SLC6A3: variants seen among roughly 807,000 people sequenced by gnomAD.
SLC6A3 encodes solute carrier family 6 member 3.
In SLC6A3, 19 loss-of-function variants were observed where a neutral mutation model predicts 70.4. The observed-to-expected ratio is 0.27, with a 90% CI of 0.19 to 0.40. SLC6A3 has a LOEUF of 0.40. Ranked by LOEUF, SLC6A3 falls within the 10% of genes least tolerant of loss-of-function variation. The probability of loss-of-function intolerance (pLI) is 1.00; values close to 1 mark genes in which losing one functional copy is unlikely to be tolerated. For missense variants in SLC6A3, 613 were observed against 838.5 expected (o/e 0.73, Z 3.32); for synonymous variants, 368 against 356.6 (o/e 1.03, Z -0.36).
intron 4 of SLC6A3, among the ~76,000 whole-genome samples, chr5:1,425,791 T>C (rs1756562194): frequency 6.6e-6 from 1 of 152,138 alleles, no homozygotes; most frequent in Admixed American, 6.5e-5. Context: ...ATCTAAAATA[T>C]GTAAAGAACT....
In SLC6A3 at chr5:1,397,718, G is replaced by T. The variant is rs1304198458; in HGVS notation, c.1840-2960C>A. ...TTCCCACACACCAATAGTGAGGGAG[G>T]TTAGCAAGAGACCTCCTCAAAGGAA... On this transcript the variant is annotated intron_variant, in intron 14 of 14. Transcript: ENST00000270349. This position sits in a 1 kb window ranked among gnomAD's most constrained non-coding sequence, Gnocchi z 4.7. Among the ~76,000 whole-genome samples the T allele has an allele frequency of 6.6e-6, 1 of 152,220 alleles. No homozygotes were observed. The highest frequency in any genetic ancestry group is 2.4e-5 in the African/African-American group (1 of 41,448).
intron 8 of SLC6A3, among the ~76,000 whole-genome samples, chr5:1,414,484 T>TGGGTGGGGGGCCCCG (rs1560913014): frequency 4.7e-5 from 1 of 21,454 alleles, no homozygotes; most frequent in Non-Finnish European, 9.1e-5. Context: ...GTGGGGGGCC[T>TGGGTGGGGGGCCCCG]GGAGGGTCAG....
In SLC6A3 at chr5:1,411,535, C is replaced by T. The variant is rs569832573; in HGVS notation, c.1157-180G>A. Among the ~76,000 whole-genome samples the T allele has an allele frequency of 6.6e-5, 10 of 152,312 alleles. No individual in the cohort carries two copies. Among genetic ancestry groups the T allele is most frequent in the African/African-American group, 1.2e-4 (5 of 41,564 alleles). On this transcript the variant is annotated intron_variant, in intron 8 of 14. Coordinates refer to ENST00000270349, the MANE Select transcript of SLC6A3 (RefSeq NM_001044.5). This position sits in a 1 kb window ranked among gnomAD's most constrained non-coding sequence, Gnocchi z 6.5. ...AGACCAGGCCTGGGACTCAGGAAAG[C>T]GGAAACCCAGAACTGATCAGAGGGC...
At position 1,406,351 on chromosome 5, in the gene SLC6A3, G is replaced by A. The variant is rs1354161897; in HGVS notation, c.1499-63C>T. 9.5e-6 allele frequency: 13 copies of A among 1,367,808 alleles called. No homozygotes were observed. The highest frequency in any genetic ancestry group is 3.5e-5 in the South Asian group (3 of 86,234). 84.7% of individuals were successfully genotyped at this position (1,367,808 alleles called of 1,614,324 possible). ...AGCGCATTCCCCCGATGCTGGACAC[G>A]TGTGGGGGTCCTCGCTGACTCCCAA... On this transcript the variant is annotated intron_variant, in intron 11 of 14. Coordinates refer to ENST00000270349, the MANE Select transcript of SLC6A3 (RefSeq NM_001044.5). This position sits in a 1 kb window ranked among gnomAD's most constrained non-coding sequence, Gnocchi z 8.8.
In SLC6A3 at chr5:1,442,695, C is replaced by T. The variant is rs937119268; in HGVS notation, c.286+217G>A. Among the ~76,000 whole-genome samples, 3 of 152,052 alleles carry T rather than the reference C, an allele frequency of 2.0e-5. No individual in the cohort carries two copies. The highest frequency in any genetic ancestry group is 4.8e-5 in the African/African-American group (2 of 41,400). ...TCTTCGCGGGCCTCCCTTTCCTAAA[C>T]TCTGAAATGCAGGCGTGGGACAAGG... On this transcript the variant is annotated intron_variant, in intron 2 of 14. Coordinates refer to ENST00000270349, the MANE Select transcript of SLC6A3 (RefSeq NM_001044.5). This position sits in a 1 kb window ranked among gnomAD's most constrained non-coding sequence, Gnocchi z 5.0.
intron 9 of SLC6A3, among the ~76,000 whole-genome samples, chr5:1,410,909 T>C (rs1268647552): frequency 6.6e-6 from 1 of 151,926 alleles, no homozygotes; most frequent in African/African-American, 2.4e-5. Context: ...CATGGTGGTG[T>C]GAATGTGTGT....
At chr5:1,416,549 A>ATG in intron 6 of SLC6A3, 1 of 409,262 alleles carries the variant, frequency 2.4e-6, no homozygotes, top group South Asian at 2.4e-5. Context: ...ACAGCATCCT[A>ATG]ATAACCCTCG....
intron 4 of SLC6A3, among the ~76,000 whole-genome samples, chr5:1,431,877 A>C (rs461677): frequency 0.31 from 47,300 of 152,060 alleles, 8,291 homozygotes; most frequent in East Asian, 0.52. Context: ...CCAGAGACAG[A>C]AATAAAGCCA....
Position 1,436,860 on chromosome 5 carries a change from G to A in SLC6A3, c.419-4162C>T, listed in dbSNP as rs748446177. Among the ~76,000 whole-genome samples the A allele has an allele frequency of 1.3e-5, 2 of 152,208 alleles. No homozygotes were observed. The highest frequency in any genetic ancestry group is 4.8e-5 in the African/African-American group (2 of 41,462). ...ACCCACGAGAGCTGGCTTCAGGAGA[G>A]GGTGTTGTCAACGCATGCACGGATC... On this transcript the variant is annotated intron_variant, in intron 3 of 14. Transcript: ENST00000270349. This position sits in a 1 kb window ranked among gnomAD's most constrained non-coding sequence, Gnocchi z 5.2.
chr5:1,432,779 C>T, intron 3 of SLC6A3, 81 bp from the exon 4 acceptor site: 1 of 938,086 alleles, frequency 1.1e-6, no homozygotes, highest in East Asian at 2.6e-5. Flanking sequence ...TCCACCTCCC[C>T]TCACGGGAGA....
chr5:1,416,483 G>A (rs1391899993), intron 6 of SLC6A3: 2 of 545,978 alleles, frequency 3.7e-6, no homozygotes, highest in Admixed American at 3.1e-5. Flanking sequence ...AGAACCAGAG[G>A]TGCCCTGCTC....
intron 4 of SLC6A3, among the ~76,000 whole-genome samples, chr5:1,425,028 C>G (rs1159263435): frequency 2.6e-5 from 4 of 152,226 alleles, no homozygotes; most frequent in African/African-American, 9.6e-5. Context: ...GGCATAAGTG[C>G]AGGCCTACGT....
intron 4 of SLC6A3, among the ~76,000 whole-genome samples, chr5:1,424,971 C>T (rs549183404): frequency 1.3e-5 from 2 of 152,360 alleles, no homozygotes; most frequent in African/African-American, 4.8e-5. Flanking sequence ...CATGTCCATG[C>T]TTCTGAGGGC....
Position 1,394,291 on chromosome 5 carries a change from T to C in SLC6A3, c.*444A>G, listed in dbSNP as rs1260588124. The C allele has an allele frequency of 8.6e-6, 2 of 233,216 alleles. No homozygotes were observed. Among genetic ancestry groups the C allele is most frequent in the African/African-American group, 4.5e-5 (2 of 44,490 alleles). 14.4% of individuals were successfully genotyped at this position (233,216 alleles called of 1,614,324 possible). ...AAGCAGGACACTTGGCTTTTTAATATGGGCAAAGTAAATGGTCTAGGAAGC... is the reference window on the plus strand; with the variant it reads ...AAGCAGGACACTTGGCTTTTTAATACGGGCAAAGTAAATGGTCTAGGAAGC... On this transcript the variant is annotated 3_prime_UTR_variant, in exon 15 of 15. Coordinates refer to ENST00000270349, the MANE Select transcript of SLC6A3 (RefSeq NM_001044.5). The surrounding 1 kb of genome is among the most constrained non-coding windows in gnomAD (Gnocchi z 4.7).
intron 5 of SLC6A3, 82 bp from the exon 6 acceptor site, chr5:1,420,785 C>A: frequency 1.3e-6 from 2 of 1,508,552 alleles, no homozygotes; most frequent in Middle Eastern, 2.3e-4. Flanking sequence ...CACCGGGTTG[C>A]CCTGACGGCT....
intron 4 of SLC6A3, among the ~76,000 whole-genome samples, chr5:1,424,068 C>T (rs1172675868): frequency 6.6e-6 from 1 of 152,248 alleles, no homozygotes; most frequent in Non-Finnish European, 1.5e-5. Flanking sequence ...CCCCACGAGC[C>T]CTGAAAGCGC....
rs73028267 is a variant in SLC6A3, at chr5:1,405,168, C to T, written c.1599+1020G>A. On this transcript the variant is annotated intron_variant, in intron 12 of 14. Transcript: ENST00000270349. This position sits in a 1 kb window ranked among gnomAD's most constrained non-coding sequence, Gnocchi z 5.3. ...GACTTGGAACACTTACGTGCAGCCA[C>T]ACCACGCGGCCTGGAGCTCAGACAC... 8.1e-3 allele frequency among the ~76,000 whole-genome samples: 1,235 copies of T among 152,348 alleles called. 21 individuals carry two copies. Among genetic ancestry groups the T allele is most frequent in the African/African-American group, 0.028 (1,168 of 41,568 alleles).
intron 7 of SLC6A3, 70 bp from the exon 8 acceptor site, chr5:1,414,885 T>G: frequency 6.2e-7 from 1 of 1,602,576 alleles, no homozygotes; most frequent in Non-Finnish European, 8.5e-7. Flanking sequence ...CAGTCATTAT[T>G]CTTAATTTAC....
chr5:1,443,279 C>T (rs556340404), intron 1 of SLC6A3, 37 bp from the exon 2 acceptor site: 40 of 1,499,212 alleles, frequency 2.7e-5, no homozygotes, highest in East Asian at 9.0e-5. Flanking sequence ...ACAACAGGAA[C>T]GCAACAATTC....
Sources: allele counts gnomAD v4.1 joint callset (sites outside exome capture counted in the v4.1 genomes callset), GRCh38; gene constraint gnomAD v4.1.1; non-coding constraint Gnocchi (gnomAD v3.1); transcripts MANE v1.5; gene names NCBI Gene and HGNC (gene_info 2026-07-23, HGNC 2026-07-21).